TMED7: variants seen among roughly 807,000 people sequenced by gnomAD.
The protein encoded by TMED7 is transmembrane p24 trafficking protein 7, also known as transmembrane emp24 domain-containing protein 7.
In TMED7, 8 loss-of-function variants were observed where a neutral mutation model predicts 23.4. The observed-to-expected ratio is 0.34, with a 90% CI of 0.20 to 0.62. TMED7 has a LOEUF of 0.62. TMED7 is among the 20% of genes least tolerant of loss of function. The pLI, the probability that TMED7 is intolerant of heterozygous loss-of-function variation, is 0.77. For missense variants in TMED7, 232 were observed against 279.1 expected, an observed-to-expected ratio of 0.83 and a Z score of 1.20; for synonymous variants, 121 against 108.5, an observed-to-expected ratio of 1.12 and a Z score of -0.72.
At chr5:115,617,315 G>C (rs1756808904) in intron 2 of TMED7, among the ~76,000 whole-genome samples, 1 of 151,890 alleles carries the variant, frequency 6.6e-6, no homozygotes, top group African/African-American at 2.4e-5. Context: ...ACAAATCTAA[G>C]TTTGTTTTAA....
rs1756655511 is a variant in TMED7, at chr5:115,615,095, T to TAA, written c.*1112_*1113dup. ...TATAGTCTACAGAATATGCACTATT[T>TAA]AATACTCATTAACTAAAGAAAAGTC... On this transcript the variant is annotated 3_prime_UTR_variant, in exon 3 of 3. Transcript: ENST00000456936. 3 of 152,226 alleles carry TAA rather than the reference T, an allele frequency of 2.0e-5. No homozygotes were observed. The highest frequency in any genetic ancestry group is 2.0e-4 in the Admixed American group (3 of 15,282). 9.4% of individuals were successfully genotyped at this position (152,226 alleles called of 1,614,324 possible). A position where few individuals can be genotyped will look rare whatever the true frequency, so the allele number is the denominator to read the frequency against.
chr5:115,616,053 T>C lies in TMED7; in HGVS notation c.*156A>G, dbSNP rs1341515190. Reference sequence around the variant, plus strand: ...CCTTTACAAATAAAAAAAGGTGTCCTTTCCACAGTTTGGGAATATGCATTG... The same window carrying C: ...CCTTTACAAATAAAAAAAGGTGTCCCTTCCACAGTTTGGGAATATGCATTG... On this transcript the variant is annotated 3_prime_UTR_variant, in exon 3 of 3. Transcript: ENST00000456936. 1 of 754,228 alleles carries C rather than the reference T, an allele frequency of 1.3e-6. No homozygotes were observed. The allele number at this position is 754,228 out of a possible 1,614,324, so 46.7% of individuals were successfully genotyped here.
chr5:115,615,853 T>C lies in TMED7; in HGVS notation c.*356A>G, dbSNP rs1014920650. On this transcript the variant is annotated 3_prime_UTR_variant, in exon 3 of 3. Transcript: ENST00000456936. ...CCCTAACACATGTAGACATTAAATC[T>C]AAAGTTTTTAAAATATCAACTACCT... is the stretch of plus-strand genomic sequence containing the variant. 113 of 254,806 alleles carry C rather than the reference T, an allele frequency of 4.4e-4. No individual in the cohort carries two copies. Among genetic ancestry groups the C allele is most frequent in the African/African-American group, 2.5e-3 (112 of 44,650 alleles). 15.8% of individuals were successfully genotyped at this position (254,806 alleles called of 1,614,324 possible). A position where few individuals can be genotyped will look rare whatever the true frequency, so the allele number is the denominator to read the frequency against.
intron 2 of TMED7, chr5:115,619,194 G>C (rs1756919500): frequency 6.6e-6 from 1 of 152,124 alleles, no homozygotes; most frequent in Non-Finnish European, 1.5e-5. Flanking sequence ...ATGGATACAG[G>C]TTAAGGTAAT....
At position 115,614,606 on chromosome 5, in the gene TMED7, G is replaced by T. The variant is rs1756618070; in HGVS notation, c.*1603C>A. 6.6e-6 allele frequency: 1 copy of T among 152,218 alleles called. No individual in the cohort carries two copies. Among genetic ancestry groups the T allele is most frequent in the African/African-American group, 2.4e-5 (1 of 41,436 alleles). 9.4% of individuals were successfully genotyped at this position (152,218 alleles called of 1,614,324 possible). ...ATCCATTGATAAATATTAAGGAGTA[G>T]CTGGTCTTCAAACACCGTAAAAAGT... On this transcript the variant is annotated 3_prime_UTR_variant, in exon 3 of 3. Coordinates refer to ENST00000456936, the MANE Select transcript of TMED7 (RefSeq NM_181836.6).
Position 115,615,008 on chromosome 5 carries a change from C to T in TMED7, c.*1201G>A, listed in dbSNP as rs1270179357. ...GTATTCTATCAGATAATACTTGGAACAAAATCTTATTTCAATCAGCTCAAT... is the reference window on the plus strand; with the variant it reads ...GTATTCTATCAGATAATACTTGGAATAAAATCTTATTTCAATCAGCTCAAT... On this transcript the variant is annotated 3_prime_UTR_variant, in exon 3 of 3. Coordinates refer to ENST00000456936, the MANE Select transcript of TMED7 (RefSeq NM_181836.6). 6.6e-6 allele frequency: 1 copy of T among 151,124 alleles called. No homozygotes were observed. Among genetic ancestry groups the T allele is most frequent in the East Asian group, 1.9e-4 (1 of 5,144 alleles). The allele number at this position is 151,124 out of a possible 1,614,324, so 9.4% of individuals were successfully genotyped here.
chr5:115,619,718 T>C (rs543868529), intron 2 of TMED7, among the ~76,000 whole-genome samples: 1 of 152,162 alleles, frequency 6.6e-6, no homozygotes, highest in Non-Finnish European at 1.5e-5. Context: ...TGAGATCAGA[T>C]GTAACAATCT....
At chr5:115,622,323 A>C (rs1447765649) in intron 1 of TMED7, among the ~76,000 whole-genome samples, 4 of 152,166 alleles carry the variant, frequency 2.6e-5, no homozygotes, top group Admixed American at 2.6e-4. Context: ...GATCATCCCA[A>C]ACTAACTGTC....
At chr5:115,616,468 A>C in intron 2 of TMED7, 23 bp from the exon 3 acceptor site, 1 of 1,613,962 alleles carries the variant, frequency 6.2e-7, no homozygotes, top group South Asian at 1.1e-5. Context: ...ATTTTCAGTC[A>C]GTATGTGTGA....
rs558095823 is a variant in TMED7 at position 115,625,363 on chromosome 5, T to G, written c.192+238A>C. Reference sequence around the variant, plus strand: ...AGTTCAATAGGCCTTAAAAATGAGATGGAAAGAAATGCTAAAGGGAGCATT... The same window carrying G: ...AGTTCAATAGGCCTTAAAAATGAGAGGGAAAGAAATGCTAAAGGGAGCATT... On this transcript the variant is annotated intron_variant, in intron 1 of 2. Coordinates refer to ENST00000456936, the MANE Select transcript of TMED7 (RefSeq NM_181836.6). 7.2e-5 allele frequency among the ~76,000 whole-genome samples: 11 copies of G among 152,274 alleles called. No homozygotes were observed. The South Asian group carries it at 1.9e-3, about 26-fold the overall frequency.
intron 1 of TMED7, among the ~76,000 whole-genome samples, chr5:115,621,648 G>A (rs1007695613): frequency 6.6e-6 from 1 of 152,142 alleles, no homozygotes; most frequent in East Asian, 1.9e-4. Flanking sequence ...TTTTCCTGCG[G>A]TAACTGGATA....
chr5:115,625,304 A>C (rs1403133796), intron 1 of TMED7, among the ~76,000 whole-genome samples: 2 of 152,238 alleles, frequency 1.3e-5, no homozygotes, highest in Non-Finnish European at 2.9e-5. Context: ...CAGAGTATAA[A>C]TGATTTTCTT....
At position 115,620,047 on chromosome 5, in the gene TMED7, T is replaced by G. The variant is rs994589855; in HGVS notation, c.438+388A>C. 17 of 156,968 alleles carry G rather than the reference T, an allele frequency of 1.1e-4. No homozygotes were observed. The East Asian group carries it at 3.1e-3, about 29-fold the overall frequency. 9.7% of individuals were successfully genotyped at this position (156,968 alleles called of 1,614,324 possible). On this transcript the variant is annotated intron_variant, in intron 2 of 2. Coordinates refer to ENST00000456936, the MANE Select transcript of TMED7 (RefSeq NM_181836.6). ...ATATGGTATTATTTATCTACTAATTTAGGCATCATTTTGCTTCCAGTTACA... is the reference window on the plus strand; with the variant it reads ...ATATGGTATTATTTATCTACTAATTGAGGCATCATTTTGCTTCCAGTTACA...
chr5:115,620,935 C>T (rs61665477), intron 1 of TMED7, among the ~76,000 whole-genome samples: 1 of 152,166 alleles, frequency 6.6e-6, no homozygotes, highest in Non-Finnish European at 1.5e-5. Context: ...TCTATTAGAT[C>T]ACTTAATTCT....
rs779568124 is a variant in TMED7, at chr5:115,625,773, G to A, written c.20C>T (p.Ala7Val). The A allele has an allele frequency of 7.3e-5, 106 of 1,458,360 alleles. No individual in the cohort carries two copies. Among genetic ancestry groups the A allele is most frequent in the South Asian group, 3.8e-4 (27 of 71,398 alleles). 90.3% of individuals were successfully genotyped at this position (1,458,360 alleles called of 1,614,324 possible). The stretch of plus-strand genomic sequence containing the variant: ...GCCCGCGACGGCCGCCCAGCGCTGC[G>A]CGGACCCCGGCCGCGGCATCCCGAG... MPRPGS[A>V]QRWAAVAGRW... Residue 7 changes from alanine (A) to valine (V), a missense_variant, in exon 1 of 3, where the codon GCG becomes GTG. Physicochemically the swap from Ala to Val is moderately conservative, Grantham distance 64. Transcript: ENST00000456936.
chr5:115,620,443 G>A lies in TMED7; in HGVS notation c.430C>T (p.Leu144Phe), dbSNP rs1040203943. Reference protein sequence around the residue: ...LFPSENRVSALTQMESACVSI... With the variant: ...LFPSENRVSAFTQMESACVSI... ...CTGATTTTTTTATTTACCTGGGTAAGAGCACTGACTCGGTTCTCACTAGGA... is the reference window on the plus strand; with the variant it reads ...CTGATTTTTTTATTTACCTGGGTAAAAGCACTGACTCGGTTCTCACTAGGA... The change falls in exon 2 of 3, where the codon CTT (leucine) becomes TTT (phenylalanine). Residue 144 changes from leucine (L) to phenylalanine (F), a missense_variant. Leu to Phe is a conservative substitution (Grantham distance 22, BLOSUM62 0). Transcript: ENST00000456936. 2.6e-6 allele frequency: 4 copies of A among 1,513,768 alleles called. No individual in the cohort carries two copies. Among genetic ancestry groups the A allele is most frequent in the African/African-American group, 1.4e-5 (1 of 70,354 alleles). The allele number at this position is 1,513,768 out of a possible 1,614,324, so 93.8% of individuals were successfully genotyped here.
intron 2 of TMED7, among the ~76,000 whole-genome samples, chr5:115,618,782 T>A (rs1014210183): frequency 1.1e-4 from 17 of 152,234 alleles, no homozygotes; most frequent in African/African-American, 4.1e-4. Flanking sequence ...AAGTTCCCCA[T>A]CAGCCTTTTA....
At chr5:115,616,533 A>G in intron 2 of TMED7, 88 bp from the exon 3 acceptor site, 2 of 1,571,008 alleles carry the variant, frequency 1.3e-6, no homozygotes, top group Non-Finnish European at 8.7e-7. Flanking sequence ...TTTGATCTCA[A>G]TTCCTCTTTT....
chr5:115,614,635 AG>A lies in TMED7; in HGVS notation c.*1573del, dbSNP rs1756620768. 6.6e-6 allele frequency: 1 copy of A among 152,202 alleles called. No individual in the cohort carries two copies. Among genetic ancestry groups the A allele is most frequent in the South Asian group, 2.1e-4 (1 of 4,832 alleles). 9.4% of individuals were successfully genotyped at this position (152,202 alleles called of 1,614,324 possible). A position where few individuals can be genotyped will look rare whatever the true frequency, so the allele number is the denominator to read the frequency against. On this transcript the variant is annotated 3_prime_UTR_variant, in exon 3 of 3. Transcript: ENST00000456936. ...GTCTTCAAACACCGTAAAAAGTTAA[AG>A]GGTTGAAAACATGTTCACCCTTTGC...
Sources: allele counts gnomAD v4.1 joint callset (sites outside exome capture counted in the v4.1 genomes callset), GRCh38; gene constraint gnomAD v4.1.1; transcripts MANE v1.5; gene names NCBI Gene and HGNC (gene_info 2026-07-23, HGNC 2026-07-21).